Variants in ME3 observed in about 807,000 individuals in gnomAD.
ME3 encodes malic enzyme 3.
In ME3, 48 loss-of-function variants were observed where a neutral mutation model predicts 68.9. The ratio of observed to expected loss-of-function variants is 0.70; its 90% confidence interval spans 0.55 to 0.89. ME3 has a LOEUF of 0.89. ME3 is among the 40% of genes least tolerant of loss of function. The pLI is 0.00. For missense variants in ME3, 675 were observed against 797.4 expected (o/e 0.85, Z 1.85); for synonymous variants, 320 against 318.8 (o/e 1.00, Z -0.04).
intron 2 of ME3, among the ~76,000 whole-genome samples, chr11:86,610,720 C>T (rs1050342417): frequency 2.1e-4 from 7 of 33,360 alleles, no homozygotes; most frequent in South Asian, 1.1e-3. Context: ...TAGGGGGTGG[C>T]GGGGGGGCAG....
intron 2 of ME3, among the ~76,000 whole-genome samples, chr11:86,583,016 G>A (rs1395333542): frequency 6.6e-6 from 1 of 151,970 alleles, no homozygotes; most frequent in Non-Finnish European, 1.5e-5. Context: ...CTTTTTATAG[G>A]GAACAAATTT....
chr11:86,577,899 G>T (rs1269353028), intron 2 of ME3, among the ~76,000 whole-genome samples: 1 of 152,162 alleles, frequency 6.6e-6, no homozygotes, highest in Non-Finnish European at 1.5e-5. Flanking sequence ...ACATGTCAAG[G>T]GTGTGTGGCT....
intron 2 of ME3, among the ~76,000 whole-genome samples, chr11:86,570,075 G>C (rs931605021): frequency 5.9e-5 from 9 of 152,192 alleles, no homozygotes; most frequent in African/African-American, 2.2e-4. Flanking sequence ...GCACTTCTGA[G>C]TTCATGCACC....
At chr11:86,518,750 T>C (rs1954061737) in intron 4 of ME3, among the ~76,000 whole-genome samples, 1 of 152,194 alleles carries the variant, frequency 6.6e-6, no homozygotes, top group Admixed American at 6.5e-5. Context: ...TGACCCTATT[T>C]GGAATAGGGT....
At chr11:86,456,219 A>C (rs139094699) in intron 8 of ME3, among the ~76,000 whole-genome samples, 1 of 152,148 alleles carries the variant, frequency 6.6e-6, no homozygotes, top group East Asian at 1.9e-4. Context: ...TGCTCATCGG[A>C]GTCTGTTTCA....
At chr11:86,614,519 A>G (rs1176257478) in intron 2 of ME3, among the ~76,000 whole-genome samples, 2 of 152,084 alleles carry the variant, frequency 1.3e-5, no homozygotes, top group African/African-American at 2.4e-5. Flanking sequence ...TGGGCTCTCA[A>G]TGGATCAAAC....
intron 2 of ME3, among the ~76,000 whole-genome samples, chr11:86,605,394 T>C (rs1961477855): frequency 6.6e-6 from 1 of 152,180 alleles, no homozygotes. Context: ...CTTAAGAACC[T>C]GTGACCAGGT....
At chr11:86,614,922 T>C (rs1942848220) in intron 2 of ME3, among the ~76,000 whole-genome samples, 1 of 152,208 alleles carries the variant, frequency 6.6e-6, no homozygotes, top group Admixed American at 6.5e-5. Flanking sequence ...ATGAGCTTTT[T>C]GATAAAATGT....
rs139226438 is a variant in ME3, at chr11:86,650,398, G to C, written c.183+21364C>G. On this transcript the variant is annotated intron_variant, in intron 2 of 14. Coordinates refer to ENST00000543262, the Ensembl canonical transcript of ME3. ...AATACCATTCAGTACATACGTATGG[G>C]CAAATACTTCATGGCTAAAACACCA... Among the ~76,000 whole-genome samples the C allele has an allele frequency of 8.8e-3, 1,339 of 152,254 alleles. 28 individuals are homozygous for C. Among genetic ancestry groups the C allele is most frequent in the African/African-American group, 0.03 (1,252 of 41,538 alleles).
At chr11:86,467,976 C>T (rs986683911) in intron 7 of ME3, among the ~76,000 whole-genome samples, 4 of 152,062 alleles carry the variant, frequency 2.6e-5, no homozygotes, top group South Asian at 2.1e-4. Context: ...TAGAACTCAC[C>T]GGATTTAAGG....
chr11:86,645,273 A>G (rs557697952), intron 2 of ME3, among the ~76,000 whole-genome samples: 1 of 152,298 alleles, frequency 6.6e-6, no homozygotes, highest in African/African-American at 2.4e-5. Context: ...AGCTCATCAG[A>G]TCCCACCCCC....
chr11:86,637,812 C>T (rs557161880), intron 2 of ME3, among the ~76,000 whole-genome samples: 56 of 152,126 alleles, frequency 3.7e-4, no homozygotes, highest in African/African-American at 1.3e-3. Context: ...AATGGAGATA[C>T]GGAGACCATA....
intron 8 of ME3, among the ~76,000 whole-genome samples, chr11:86,450,989 C>A (rs564106075): frequency 6.6e-6 from 1 of 152,158 alleles, no homozygotes; most frequent in Non-Finnish European, 1.5e-5. Context: ...TAAGGCCTCA[C>A]TGGGGATTCC....
chr11:86,515,475 C>T (rs961684942), intron 4 of ME3, among the ~76,000 whole-genome samples: 1 of 152,164 alleles, frequency 6.6e-6, no homozygotes, highest in East Asian at 1.9e-4. Context: ...CTAGTCACTT[C>T]ACCTCTCTGT....
chr11:86,531,434 A>C (rs1955222448), intron 4 of ME3, among the ~76,000 whole-genome samples: 1 of 152,206 alleles, frequency 6.6e-6, no homozygotes, highest in Admixed American at 6.5e-5. Flanking sequence ...TGTGGAAGTC[A>C]GTGTGGCAAT....
intron 2 of ME3, among the ~76,000 whole-genome samples, chr11:86,637,241 C>T (rs905773119): frequency 6.6e-6 from 1 of 150,458 alleles, no homozygotes; most frequent in Non-Finnish European, 1.5e-5. Flanking sequence ...TGTGAAGCAC[C>T]AAGCCAGGCT....
intron 2 of ME3, among the ~76,000 whole-genome samples, chr11:86,582,670 A>G (rs1178034570): frequency 6.6e-6 from 1 of 152,206 alleles, no homozygotes; most frequent in Admixed American, 6.5e-5. Flanking sequence ...GTAATTATCT[A>G]TTAATGTTAG....
At chr11:86,630,292 C>G (rs934855830) in intron 2 of ME3, among the ~76,000 whole-genome samples, 3 of 152,146 alleles carry the variant, frequency 2.0e-5, no homozygotes, top group African/African-American at 4.8e-5. Context: ...CCCTGACTGA[C>G]AGCGCTTGGT....
chr11:86,654,004 G>T (rs1264081907), intron 2 of ME3, among the ~76,000 whole-genome samples: 1 of 152,088 alleles, frequency 6.6e-6, no homozygotes, highest in African/African-American at 2.4e-5. Flanking sequence ...AGAAGAAATG[G>T]ATAAATTCCT....
Sources: gnomAD v4.1 joint callset for allele counts (sites outside exome capture counted in the v4.1 genomes callset) on GRCh38, gnomAD v4.1.1 for gene constraint, MANE v1.5 for transcripts, NCBI Gene and HGNC (gene_info 2026-07-23, HGNC 2026-07-21) for gene names.